The following LDAF1 variants were observed in gnomAD, a reference collection of about 807,000 sequenced individuals.
LDAF1 encodes the protein lipid droplet assembly factor 1.
LDAF1 carries 7 observed loss-of-function variants against 13.5 expected under a neutral mutation model. The observed-to-expected ratio is 0.52, with a 90% confidence interval of 0.29 to 0.97. The LOEUF (loss-of-function observed/expected upper bound fraction) is 0.97, where lower values mean the gene tolerates loss of function less well. Ranked by LOEUF, LDAF1 falls within the 50% of genes least tolerant of loss-of-function variation. LDAF1 has a pLI of 0.07. For missense variants in LDAF1, 148 were observed against 193.2 expected, an observed-to-expected ratio of 0.77 and a Z score of 1.39; for synonymous variants, 69 against 77.1, an observed-to-expected ratio of 0.89 and a Z score of 0.55.
chr16:21,166,870 T>G, intron 2 of LDAF1: 4 of 1,535,716 alleles, frequency 2.6e-6, no homozygotes, highest in Non-Finnish European at 3.5e-6. Flanking sequence ...CTCACTGGAC[T>G]CTGATGATGG....
chr16:21,162,333 A>G (rs934287969), intron 2 of LDAF1, among the ~76,000 whole-genome samples: 2 of 152,134 alleles, frequency 1.3e-5, no homozygotes, highest in African/African-American at 2.4e-5. Context: ...CTTCTAGCAC[A>G]TTTCAATTCG....
chr16:21,164,487 G>A (rs905438427), intron 2 of LDAF1, among the ~76,000 whole-genome samples: 1 of 152,162 alleles, frequency 6.6e-6, no homozygotes, highest in Non-Finnish European at 1.5e-5. Context: ...TTGGCCTCAA[G>A]CAGTCCTCCT....
chr16:21,174,888 C>A (rs749553485), intron 4 of LDAF1, among the ~76,000 whole-genome samples: 14 of 152,128 alleles, frequency 9.2e-5, no homozygotes, highest in Non-Finnish European at 1.6e-4. Flanking sequence ...GTCTGTCAAT[C>A]CCCTCTGCTC....
chr16:21,165,149 T>G (rs1033342299), intron 2 of LDAF1, among the ~76,000 whole-genome samples: 1 of 152,222 alleles, frequency 6.6e-6, no homozygotes, highest in African/African-American at 2.4e-5. Context: ...TCTTTGATTA[T>G]AGAGCCCAGA....
At chr16:21,169,215 C>G in intron 2 of LDAF1, 1 of 978,364 alleles carries the variant, frequency 1.0e-6, no homozygotes, top group Non-Finnish European at 1.2e-6. Flanking sequence ...TAGTTCATTG[C>G]TTCTCAAACT....
At chr16:21,174,906 TG>T (rs2152849597) in intron 4 of LDAF1, among the ~76,000 whole-genome samples, 2 of 152,304 alleles carry the variant, frequency 1.3e-5, no homozygotes, top group South Asian at 4.1e-4. Flanking sequence ...CTCTTGAGAA[TG>T]TGAGTTTCTC....
At chr16:21,176,798 G>A (rs2093142153) in intron 4 of LDAF1, among the ~76,000 whole-genome samples, 1 of 151,678 alleles carries the variant, frequency 6.6e-6, no homozygotes, top group Non-Finnish European at 1.5e-5. Flanking sequence ...TACTCAAGAG[G>A]CTGAGGAGGG....
chr16:21,165,630 A>C, intron 2 of LDAF1: 1 of 977,716 alleles, frequency 1.0e-6, no homozygotes, highest in Non-Finnish European at 1.2e-6. Context: ...TTTCCTGCAA[A>C]TCTTTCTACC....
At chr16:21,161,016 G>A in intron 1 of LDAF1, 69 bp from the exon 2 acceptor site, 2 of 1,388,958 alleles carry the variant, frequency 1.4e-6, no homozygotes, top group Non-Finnish European at 1.9e-6. Flanking sequence ...AAGGTATGAG[G>A]ATGGTAGAAG....
rs576090441 is a variant in LDAF1 at position 21,167,692 on chromosome 16, G to A, written c.97-2745G>A. On this transcript the variant is annotated intron_variant, in intron 2 of 4. Coordinates refer to ENST00000233047, the MANE Select transcript of LDAF1 (RefSeq NM_001301771.2). ...GGACATTCTGAGTCCAAGACCTTAGGTTTGTTTTTTTTTTTTTGAAAAGGA... is the reference window on the plus strand; with the variant it reads ...GGACATTCTGAGTCCAAGACCTTAGATTTGTTTTTTTTTTTTTGAAAAGGA... Among the ~76,000 whole-genome samples the A allele has an allele frequency of 1.3e-3, 12 of 8,982 alleles. No individual in the cohort carries two copies. In the East Asian group the frequency reaches 0.021, roughly 15 times the overall value. 5.9% of individuals were successfully genotyped at this position (8,982 alleles called of 152,430 possible).
chr16:21,162,890 C>T (rs1321115291), intron 2 of LDAF1, among the ~76,000 whole-genome samples: 5 of 152,212 alleles, frequency 3.3e-5, no homozygotes, highest in African/African-American at 9.6e-5. Context: ...CATACCAAAC[C>T]ATCGCTCCTA....
intron 2 of LDAF1, among the ~76,000 whole-genome samples, chr16:21,163,113 A>G (rs144679677): frequency 1.8e-3 from 278 of 152,362 alleles, no homozygotes; most frequent in African/African-American, 6.5e-3. Context: ...CATAAGGCAC[A>G]TCACAGCCTT....
At position 21,170,623 on chromosome 16, in the gene LDAF1, T is replaced by A. The variant is rs767486069; in HGVS notation, c.265+18T>A. Reference sequence around the variant, plus strand: ...ATTGGAAGGTAGCCTGTTCCGTCATTCACCCCTTTAGAAAATAATTCAATT... The same window carrying A: ...ATTGGAAGGTAGCCTGTTCCGTCATACACCCCTTTAGAAAATAATTCAATT... On this transcript the variant is annotated intron_variant, in intron 3 of 4. Transcript: ENST00000233047. 2 of 1,613,670 alleles carry A rather than the reference T, an allele frequency of 1.2e-6. No individual in the cohort carries two copies. The highest frequency in any genetic ancestry group is 1.1e-5 in the South Asian group (1 of 91,050).
At chr16:21,167,707 T>TTTTTTTTTTTTTTTG (rs2093038940) in intron 2 of LDAF1, among the ~76,000 whole-genome samples, 1 of 143,830 alleles carries the variant, frequency 7.0e-6, no homozygotes, top group Admixed American at 7.0e-5. Context: ...TTTTTTTTTT[T>TTTTTTTTTTTTTTTG]TTGAAAAGGA....
chr16:21,163,265 G>A (rs769691223), intron 2 of LDAF1, among the ~76,000 whole-genome samples: 2 of 152,068 alleles, frequency 1.3e-5, no homozygotes, highest in Non-Finnish European at 1.5e-5. Flanking sequence ...AGGAAGGCTC[G>A]GTGTCACCTT....
intron 2 of LDAF1, among the ~76,000 whole-genome samples, chr16:21,163,055 C>T (rs1482266580): frequency 6.6e-6 from 1 of 152,190 alleles, no homozygotes; most frequent in African/African-American, 2.4e-5. Flanking sequence ...AACAACAGTA[C>T]TATGACTCAT....
At chr16:21,177,378 T>C (rs1462749222) in intron 4 of LDAF1, 1 of 151,640 alleles carries the variant, frequency 6.6e-6, no homozygotes, top group Non-Finnish European at 1.5e-5. Flanking sequence ...TTTTCTACTC[T>C]ATTTTATTGA....
rs2093167806 is a variant in LDAF1 at position 21,179,825 on chromosome 16, T to A, written c.*269T>A. Reference sequence around the variant, plus strand: ...TGCAGACTTGACCTTGGCGGGGTCCTGGGCTTCTAGAGTCTAGCCCGTTGA... The same window carrying A: ...TGCAGACTTGACCTTGGCGGGGTCCAGGGCTTCTAGAGTCTAGCCCGTTGA... On this transcript the variant is annotated 3_prime_UTR_variant, in exon 5 of 5. Transcript: ENST00000233047. 1 of 377,084 alleles carries A rather than the reference T, an allele frequency of 2.7e-6. No individual in the cohort carries two copies. Among genetic ancestry groups the A allele is most frequent in the East Asian group, 5.6e-5 (1 of 17,950 alleles). 23.4% of individuals were successfully genotyped at this position (377,084 alleles called of 1,614,324 possible).
intron 2 of LDAF1, among the ~76,000 whole-genome samples, chr16:21,163,738 C>A (rs2092998454): frequency 6.6e-6 from 1 of 152,244 alleles, no homozygotes; most frequent in Non-Finnish European, 1.5e-5. Context: ...AATATGGAAT[C>A]ATGAGTAATA....
Sources: gnomAD v4.1 joint callset for allele counts (sites outside exome capture counted in the v4.1 genomes callset) on GRCh38, gnomAD v4.1.1 for gene constraint, MANE v1.5 for transcripts, NCBI Gene and HGNC (gene_info 2026-07-23, HGNC 2026-07-21) for gene names.